Variants in PCDHGB2 observed in about 807,000 individuals in gnomAD.
PCDHGB2 encodes the protein protocadherin gamma-B2.
In PCDHGB2, 55 loss-of-function variants were observed where a neutral mutation model predicts 59.3. That is an observed-to-expected ratio of 0.93 (90% CI 0.75 to 1.16). The LOEUF is 1.16. Among genes scored for constraint, PCDHGB2 ranks in the 50% most tolerant of loss-of-function variants. The pLI is 0.00. For synonymous variants in PCDHGB2, 516 were observed against 512.0 expected, an observed-to-expected ratio of 1.01 and a Z score of -0.11; for missense variants, 1,228 against 1,198.5, an observed-to-expected ratio of 1.02 and a Z score of -0.36.
chr5:141,385,239 C>A lies in PCDHGB2; in HGVS notation c.2421+22683C>A, dbSNP rs367668432. On this transcript the variant is annotated intron_variant, in intron 1 of 3. Transcript: ENST00000522605. ...AGCCCAACTATGTAGACATGCTCAT[C>A]AGCCAGGAGAGCTGTGAGAAAAATG... 4 of 1,613,960 alleles carry A rather than the reference C, an allele frequency of 2.5e-6. No individual in the cohort carries two copies. The African/African-American group carries it at 5.3e-5, about 22-fold the overall frequency.
rs1194495261 is a variant in PCDHGB2, at chr5:141,360,252, G to A, written c.117G>A (p.Glu39=). ...LPVQIRYSIP[E]ELAKNSVVGN... Reference sequence around the variant, plus strand: ...TCCAGATCCGCTATTCAATTCCAGAGGAGCTGGCCAAAAACTCGGTCGTAG... The same window carrying A: ...TCCAGATCCGCTATTCAATTCCAGAAGAGCTGGCCAAAAACTCGGTCGTAG... Residue 39 remains glutamate, a synonymous_variant, in exon 1 of 4, where the codon GAG becomes GAA. Transcript: ENST00000522605. 1.2e-6 allele frequency: 2 copies of A among 1,613,822 alleles called. No homozygotes were observed. Among genetic ancestry groups the A allele is most frequent in the Non-Finnish European group, 1.7e-6 (2 of 1,179,892 alleles).
chr5:141,426,797 C>A (rs1487716495), intron 1 of PCDHGB2: 1 of 456,706 alleles, frequency 2.2e-6, no homozygotes, highest in Non-Finnish European at 4.4e-6. Context: ...GTTACCAGCT[C>A]AGTTCTAATG....
intron 1 of PCDHGB2, chr5:141,389,997 A>G (rs1278035747): frequency 3.1e-6 from 5 of 1,613,844 alleles, no homozygotes; most frequent in South Asian, 2.2e-5. Flanking sequence ...CCTCGTGGCC[A>G]TGATTCTGGC....
intron 1 of PCDHGB2, chr5:141,389,865 G>A: frequency 1.2e-6 from 2 of 1,614,080 alleles, no homozygotes; most frequent in Non-Finnish European, 1.7e-6. Flanking sequence ...GTTGCACCTG[G>A]TCTTCGCCGA....
intron 1 of PCDHGB2, chr5:141,478,446 G>A: frequency 6.2e-7 from 1 of 1,613,520 alleles, no homozygotes; most frequent in Non-Finnish European, 8.5e-7. Flanking sequence ...AAGAAACCTG[G>A]TGCAGCCAGT....
At chr5:141,409,858 G>A in intron 1 of PCDHGB2, 2 of 1,612,340 alleles carry the variant, frequency 1.2e-6, no homozygotes, top group Non-Finnish European at 1.7e-6. Context: ...GCGTGTTGGT[G>A]GGAGACCGCA....
In PCDHGB2 at chr5:141,485,610, C is replaced by A; in HGVS notation, c.2422-9197C>A. ...CTGGACTTGGAAATTGGGGAGGCAGCTCCTCCAGGACAGCGTTTCCCGTTG... is the reference window on the plus strand; with the variant it reads ...CTGGACTTGGAAATTGGGGAGGCAGATCCTCCAGGACAGCGTTTCCCGTTG... On this transcript the variant is annotated intron_variant, in intron 1 of 3. Coordinates refer to ENST00000522605, the MANE Select transcript of PCDHGB2 (RefSeq NM_018923.3). This position sits in a 1 kb window ranked among gnomAD's most constrained non-coding sequence, Gnocchi z 5.7. The A allele has an allele frequency of 1.2e-6, 2 of 1,612,076 alleles. No individual in the cohort carries two copies. The highest frequency in any genetic ancestry group is 1.7e-6 in the Non-Finnish European group (2 of 1,178,616).
At chr5:141,381,835 T>C (rs1342005630) in intron 1 of PCDHGB2, among the ~76,000 whole-genome samples, 58 of 141,162 alleles carry the variant, frequency 4.1e-4, no homozygotes, top group African/African-American at 1.5e-3. Context: ...TCTTTTTTTT[T>C]TTTTTTTTTT....
At chr5:141,419,918 G>C (rs370039875) in intron 1 of PCDHGB2, 30 of 1,613,978 alleles carry the variant, frequency 1.9e-5, no homozygotes, top group Non-Finnish European at 2.5e-5. Flanking sequence ...CTCCCAGGCT[G>C]AGATGCAGTT....
rs186000917 is a variant in PCDHGB2, at chr5:141,371,695, C to T, written c.2421+9139C>T. ...GACAAAGGCAATCCACCGCTCTCCT[C>T]CAGCAAGACCATCACTCTGCACATC... On this transcript the variant is annotated intron_variant, in intron 1 of 3. Transcript: ENST00000522605. The T allele has an allele frequency of 8.7e-6, 14 of 1,614,058 alleles. No individual in the cohort carries two copies. In the Admixed American group the frequency reaches 1.7e-4, roughly 19 times the overall value.
rs2233610 is a variant in PCDHGB2, at chr5:141,505,535, G to A, written c.2569+54G>A. ...AGTGGGAGACCTGGGGTTCTGGGGT[G>A]CATCTCACAGCCACCATGCCCACGG... is the stretch of plus-strand genomic sequence containing the variant. On this transcript the variant is annotated intron_variant, in intron 3 of 3. Transcript: ENST00000522605. 12 of 1,610,344 alleles carry A rather than the reference G, an allele frequency of 7.5e-6. No individual in the cohort carries two copies. The East Asian group carries it at 1.8e-4, about 24-fold the overall frequency.
At chr5:141,504,529 G>A (rs1333393859) in intron 2 of PCDHGB2, among the ~76,000 whole-genome samples, 1 of 151,900 alleles carries the variant, frequency 6.6e-6, no homozygotes, top group African/African-American at 2.4e-5. Context: ...TATTTTATTC[G>A]TGTCATCATG....
chr5:141,431,603 C>T lies in PCDHGB2; in HGVS notation c.2422-63204C>T, dbSNP rs746243366. On this transcript the variant is annotated intron_variant, in intron 1 of 3. Coordinates refer to ENST00000522605, the MANE Select transcript of PCDHGB2 (RefSeq NM_018923.3). This position sits in a 1 kb window ranked among gnomAD's most constrained non-coding sequence, Gnocchi z 4.8. ...CAATGCGGAAGTGAGGTATTCCTTC[C>T]GGTATGTGGACGACAAGGCGGCCCA... is the stretch of plus-strand genomic sequence containing the variant. 1.1e-5 allele frequency: 17 copies of T among 1,614,212 alleles called. No individual in the cohort carries two copies. Among genetic ancestry groups the T allele is most frequent in the Non-Finnish European group, 1.4e-5 (16 of 1,180,044 alleles).
At chr5:141,422,639 C>A (rs777330051) in intron 1 of PCDHGB2, 1 of 1,612,780 alleles carries the variant, frequency 6.2e-7, no homozygotes, top group South Asian at 1.1e-5. Context: ...AGGGGTGCCT[C>A]CATCTTCTCA....
intron 1 of PCDHGB2, chr5:141,383,184 C>A: frequency 6.2e-7 from 1 of 1,614,082 alleles, no homozygotes; most frequent in East Asian, 2.2e-5. Context: ...GGGAAGAGAT[C>A]TGCGCTCAGA....
chr5:141,414,620 A>G, intron 1 of PCDHGB2: 4 of 1,613,938 alleles, frequency 2.5e-6, no homozygotes, highest in Non-Finnish European at 3.4e-6. Flanking sequence ...ACAGCGCTGG[A>G]CCCGGACAGC....
At chr5:141,400,766 C>T in intron 1 of PCDHGB2, 1 of 577,074 alleles carries the variant, frequency 1.7e-6, no homozygotes, top group South Asian at 2.3e-5. Context: ...CTAGCAAAAA[C>T]ATTTGGTGCG....
At chr5:141,508,244 C>A (rs1278674173) in intron 3 of PCDHGB2, 1 of 152,314 alleles carries the variant, frequency 6.6e-6, no homozygotes, top group Non-Finnish European at 1.5e-5. Context: ...CTAAGTCTGC[C>A]TCTCCTGGGA....
At chr5:141,385,516 C>A in intron 1 of PCDHGB2, 1 of 1,367,218 alleles carries the variant, frequency 7.3e-7, no homozygotes, top group South Asian at 1.9e-5. Flanking sequence ...TAGTGAAAGC[C>A]TATGGACAAG....
Sources: gnomAD v4.1 joint callset for allele counts (sites outside exome capture counted in the v4.1 genomes callset) on GRCh38, gnomAD v4.1.1 for gene constraint, Gnocchi (gnomAD v3.1) non-coding constraint, MANE v1.5 for transcripts, NCBI Gene and HGNC (gene_info 2026-07-23, HGNC 2026-07-21) for gene names.